The following PASD1 variants were observed in gnomAD, a reference collection of about 807,000 sequenced individuals.
The protein encoded by PASD1 is PAS domain containing repressor 1.
PASD1 carries 13 observed loss-of-function variants against 58.8 expected under a neutral mutation model. That is an observed-to-expected ratio of 0.22 (90% confidence interval 0.14 to 0.35). The LOEUF (loss-of-function observed/expected upper bound fraction) is 0.35, where lower values mean the gene tolerates loss of function less well. Among genes scored for constraint, PASD1 ranks in the 10% least tolerant of loss-of-function variants. PASD1 has a pLI of 1.00. For synonymous variants in PASD1, 236 were observed against 216.7 expected (o/e 1.09, Z -0.78); for missense variants, 734 against 568.3 (o/e 1.29, Z -2.96).
chrX:151,579,512 T>G (rs1452363642), intron 1 of PASD1, among the ~76,000 whole-genome samples: 2 of 112,320 alleles, frequency 1.8e-5, no homozygotes, highest in Non-Finnish European at 3.8e-5. Flanking sequence ...GTAGGAAGCT[T>G]AAAAGCTGTA....
intron 6 of PASD1, among the ~76,000 whole-genome samples, 177 bp from the exon 7 acceptor site, chrX:151,622,760 C>T (rs1271369854): frequency 9.0e-6 from 1 of 111,375 alleles, no homozygotes; most frequent in African/African-American, 3.3e-5. Flanking sequence ...GTAATAAATT[C>T]TTTATGTTTT....
chrX:151,676,257 G>C lies in PASD1; in HGVS notation c.*114G>C, dbSNP rs2014544809. 1 of 754,979 alleles carries C rather than the reference G, an allele frequency of 1.3e-6. No homozygotes were observed. The highest frequency in any genetic ancestry group is 3.7e-5 in the Admixed American group (1 of 26,857). 62.2% of individuals were successfully genotyped at this position (754,979 alleles called of 1,213,427 possible). On this transcript the variant is annotated 3_prime_UTR_variant, in exon 16 of 16. Transcript: ENST00000370357. ...AAAGTCCCTTGGGGTAGGGTTTAGT[G>C]GGTAGAGACTTATTTGTTTCCTGAT...
At chrX:151,582,440 C>T (rs2013112304) in intron 1 of PASD1, among the ~76,000 whole-genome samples, 1 of 111,242 alleles carries the variant, frequency 9.0e-6, no homozygotes, top group Non-Finnish European at 1.9e-5. Flanking sequence ...TACCACCATG[C>T]CTGGCCTGTC....
intron 1 of PASD1, among the ~76,000 whole-genome samples, chrX:151,566,231 T>C (rs1364327028): frequency 8.9e-6 from 1 of 112,279 alleles, no homozygotes; most frequent in African/African-American, 3.2e-5. Flanking sequence ...CAAATTATTA[T>C]ATCCCATTAT....
intron 1 of PASD1, among the ~76,000 whole-genome samples, chrX:151,569,520 G>T (rs768266956): frequency 7.1e-5 from 8 of 112,022 alleles, no homozygotes; most frequent in African/African-American, 2.6e-4. Flanking sequence ...TCAACATGAA[G>T]AATCTGGAAA....
intron 4 of PASD1, among the ~76,000 whole-genome samples, chrX:151,612,080 G>C (rs1602929963): frequency 1.0e-5 from 1 of 97,839 alleles, no homozygotes. Flanking sequence ...TTGGTTTTTT[G>C]TCCTTGCCAT....
chrX:151,564,412 G>C (rs903576962), intron 1 of PASD1, among the ~76,000 whole-genome samples: 4 of 111,937 alleles, frequency 3.6e-5, no homozygotes, highest in African/African-American at 1.3e-4. Flanking sequence ...GGATCTGCTT[G>C]AAGTTTTTGT....
chrX:151,574,959 A>G (rs915505192), intron 1 of PASD1, among the ~76,000 whole-genome samples: 7 of 111,843 alleles, frequency 6.3e-5, no homozygotes, highest in Non-Finnish European at 1.1e-4. Context: ...GCCATCACGC[A>G]CTTTTGTATC....
chrX:151,648,520 A>C, intron 8 of PASD1, 95 bp from the exon 9 acceptor site: 2 of 810,027 alleles, frequency 2.5e-6, no homozygotes, highest in Non-Finnish European at 3.6e-6. Flanking sequence ...TAAAACAAAT[A>C]GTTTTTATTT....
At chrX:151,634,190 T>C (rs191594014) in intron 8 of PASD1, among the ~76,000 whole-genome samples, 177 of 111,580 alleles carry the variant, frequency 1.6e-3, no homozygotes, top group African/African-American at 5.6e-3. Context: ...TTTTTACAGC[T>C]TGCCCCATTT....
chrX:151,632,071 A>G (rs977861791), intron 8 of PASD1, among the ~76,000 whole-genome samples: 10 of 111,352 alleles, frequency 9.0e-5, no homozygotes, highest in Non-Finnish European at 1.7e-4. Context: ...GAGAAAGATA[A>G]TAAACAAGTC....
At chrX:151,595,131 A>G (rs2124245073) in intron 1 of PASD1, among the ~76,000 whole-genome samples, 1 of 112,027 alleles carries the variant, frequency 8.9e-6, no homozygotes, top group Non-Finnish European at 1.9e-5. Flanking sequence ...TATTGGGTTC[A>G]CCAATATTCT....
chrX:151,583,104 A>G (rs1257764991), intron 1 of PASD1, among the ~76,000 whole-genome samples: 1 of 111,384 alleles, frequency 9.0e-6, no homozygotes, highest in Non-Finnish European at 1.9e-5. Flanking sequence ...ACACTTGCAG[A>G]TGGGCAAGAG....
At chrX:151,657,682 A>G (rs1394232917) in intron 9 of PASD1, among the ~76,000 whole-genome samples, 2 of 110,940 alleles carry the variant, frequency 1.8e-5, no homozygotes, top group Non-Finnish European at 3.8e-5. Context: ...GGCAGTTTGT[A>G]TTTCTGTGGG....
At chrX:151,569,627 G>C (rs1400950797) in intron 1 of PASD1, among the ~76,000 whole-genome samples, 1 of 111,363 alleles carries the variant, frequency 9.0e-6, no homozygotes, top group African/African-American at 3.3e-5. Context: ...GAAGGCATTT[G>C]AAGTGTATAG....
intron 4 of PASD1, among the ~76,000 whole-genome samples, chrX:151,615,454 T>C (rs1391682993): frequency 1.8e-5 from 2 of 111,826 alleles, no homozygotes; most frequent in Admixed American, 9.6e-5. Context: ...AAACATTAAA[T>C]GGGAATTAAG....
intron 6 of PASD1, 55 bp from the exon 7 acceptor site, chrX:151,622,882 T>G: frequency 3.5e-6 from 4 of 1,147,031 alleles, no homozygotes; most frequent in East Asian, 3.1e-5. Context: ...GGTATTTGTC[T>G]TCTTGTTTAA....
intron 9 of PASD1, among the ~76,000 whole-genome samples, chrX:151,653,878 CTTTCTTTCTTTCTTTCTTTCTT>C (rs2014196141): frequency 3.6e-4 from 9 of 24,977 alleles, no homozygotes; most frequent in African/African-American, 1.3e-3. Flanking sequence ...CTCTTTCTTT[CTTTCTTTCTTTCTTTCTTTCTT>C]TCTTTCTTTC....
chrX:151,586,087 T>C (rs995273059), intron 1 of PASD1, among the ~76,000 whole-genome samples: 2 of 111,461 alleles, frequency 1.8e-5, no homozygotes, highest in African/African-American at 6.5e-5. Flanking sequence ...AGGAAAATGC[T>C]AGGGGACAGG....
Sources: gnomAD v4.1 joint callset for allele counts (sites outside exome capture counted in the v4.1 genomes callset) on GRCh38, gnomAD v4.1.1 for gene constraint, MANE v1.5 for transcripts, NCBI Gene and HGNC (gene_info 2026-07-23, HGNC 2026-07-21) for gene names.